The following ZDHHC14 variants were observed in gnomAD, a reference collection of about 807,000 sequenced individuals.
ZDHHC14 encodes the protein palmitoyltransferase ZDHHC14.
In ZDHHC14, 16 loss-of-function variants were observed where a neutral mutation model predicts 47.7. The ratio of observed to expected loss-of-function variants is 0.34; its 90% confidence interval spans 0.23 to 0.51. The LOEUF (loss-of-function observed/expected upper bound fraction) is 0.51, where lower values mean the gene tolerates loss of function less well. Among genes scored for constraint, ZDHHC14 ranks in the 20% least tolerant of loss-of-function variants. ZDHHC14 has a pLI of 0.97. For synonymous variants in ZDHHC14, 293 were observed against 278.9 expected (o/e 1.05, Z -0.50); for missense variants, 515 against 662.5 (o/e 0.78, Z 2.44).
chr6:157,487,720 G>A (rs890422780), intron 1 of ZDHHC14, among the ~76,000 whole-genome samples: 6 of 152,162 alleles, frequency 3.9e-5, no homozygotes, highest in Admixed American at 6.5e-5. Flanking sequence ...CATGATTGTC[G>A]TTGTTATTTT....
At chr6:157,637,183 C>A (rs1777029041) in intron 5 of ZDHHC14, among the ~76,000 whole-genome samples, 1 of 152,178 alleles carries the variant, frequency 6.6e-6, no homozygotes, top group Non-Finnish European at 1.5e-5. Flanking sequence ...GCCTGTCTTT[C>A]CTCTGGACAC....
chr6:157,570,830 T>TATATATATAC (rs1783073965), intron 2 of ZDHHC14, among the ~76,000 whole-genome samples: 1 of 151,088 alleles, frequency 6.6e-6, no homozygotes, highest in Non-Finnish European at 1.5e-5. Context: ...TATATATATA[T>TATATATATAC]ACACACACAC....
At chr6:157,485,576 T>C (rs1016097900) in intron 1 of ZDHHC14, among the ~76,000 whole-genome samples, 3 of 152,212 alleles carry the variant, frequency 2.0e-5, no homozygotes, top group African/African-American at 7.2e-5. Context: ...GATTTTGCAT[T>C]TCTGGCAGAG....
At chr6:157,574,499 G>T (rs979613837) in intron 2 of ZDHHC14, among the ~76,000 whole-genome samples, 3 of 152,090 alleles carry the variant, frequency 2.0e-5, no homozygotes, top group African/African-American at 7.2e-5. Flanking sequence ...GTCCAATTCT[G>T]CATGTGCCCC....
chr6:157,594,097 C>T (rs1192377951), intron 3 of ZDHHC14, among the ~76,000 whole-genome samples: 3 of 152,216 alleles, frequency 2.0e-5, no homozygotes, highest in Admixed American at 6.5e-5. Flanking sequence ...AGTAACACAG[C>T]ATTGATTGCC....
chr6:157,450,472 G>A (rs982129879), intron 1 of ZDHHC14, among the ~76,000 whole-genome samples: 3 of 147,398 alleles, frequency 2.0e-5, no homozygotes, highest in African/African-American at 7.6e-5. Context: ...CCGAGATCGC[G>A]CCACTGCACT....
At chr6:157,454,491 G>A (rs1019373998) in intron 1 of ZDHHC14, among the ~76,000 whole-genome samples, 1 of 115,160 alleles carries the variant, frequency 8.7e-6, no homozygotes, top group African/African-American at 2.8e-5. Context: ...TTTTAATGCA[G>A]CTTCTTCTTT....
At chr6:157,646,909 T>C (rs191952756) in intron 6 of ZDHHC14, among the ~76,000 whole-genome samples, 1 of 152,178 alleles carries the variant, frequency 6.6e-6, no homozygotes, top group Non-Finnish European at 1.5e-5. Context: ...GTCTGTAAAT[T>C]AGCAATTAGG....
chr6:157,675,677 A>G lies in ZDHHC14; in HGVS notation c.*2555A>G, dbSNP rs1454944758. On this transcript the variant is annotated 3_prime_UTR_variant, in exon 9 of 9. Transcript: ENST00000359775. Reference sequence around the variant, plus strand: ...CGCCCACTTCTGTTTGTCAGGAGGGATGGTCGGAGGGGCAGCTCACCTGGC... The same window carrying G: ...CGCCCACTTCTGTTTGTCAGGAGGGGTGGTCGGAGGGGCAGCTCACCTGGC... 1 of 152,216 alleles carries G rather than the reference A, an allele frequency of 6.6e-6. No individual in the cohort carries two copies. The highest frequency in any genetic ancestry group is 2.4e-5 in the African/African-American group (1 of 41,450). The allele number at this position is 152,216 out of a possible 1,614,324, so 9.4% of individuals were successfully genotyped here.
intron 1 of ZDHHC14, among the ~76,000 whole-genome samples, chr6:157,440,409 A>C (rs1441997796): frequency 6.6e-6 from 1 of 152,166 alleles, no homozygotes; most frequent in Non-Finnish European, 1.5e-5. Flanking sequence ...GGAACATACA[A>C]GTGTTTATGA....
chr6:157,550,372 C>G lies in ZDHHC14; in HGVS notation c.406+7627C>G, dbSNP rs148176310. Among the ~76,000 whole-genome samples the G allele has an allele frequency of 1.5e-3, 222 of 152,002 alleles. 4 individuals carry two copies. In the East Asian group the frequency reaches 0.031, roughly 21 times the overall value. ...ATTCTAGAGAGACCACAGTGTCACA[C>G]AGACATTCTAGAGAGACTGCAGTGT... On this transcript the variant is annotated intron_variant, in intron 2 of 8. Transcript: ENST00000359775.
At chr6:157,654,189 G>A (rs1161962124) in intron 8 of ZDHHC14, among the ~76,000 whole-genome samples, 3 of 152,114 alleles carry the variant, frequency 2.0e-5, no homozygotes, top group Non-Finnish European at 4.4e-5. Context: ...CGCTTTCTTC[G>A]ACGGGTGGAC....
chr6:157,665,148 T>C (rs1410107681), intron 8 of ZDHHC14, among the ~76,000 whole-genome samples: 2 of 152,184 alleles, frequency 1.3e-5, no homozygotes, highest in Non-Finnish European at 2.9e-5. Flanking sequence ...CTGGAAACCA[T>C]TTGCCTCCTG....
intron 1 of ZDHHC14, among the ~76,000 whole-genome samples, chr6:157,479,855 C>T (rs755092193): frequency 9.2e-5 from 14 of 152,210 alleles, no homozygotes; most frequent in Non-Finnish European, 2.1e-4. Context: ...GATGATTGAG[C>T]CATTTCTGTG....
chr6:157,526,890 T>G (rs1562462733), intron 1 of ZDHHC14, among the ~76,000 whole-genome samples: 1 of 152,128 alleles, frequency 6.6e-6, no homozygotes, highest in African/African-American at 2.4e-5. Context: ...TGCTGGCTCA[T>G]AGAGAGAGGT....
chr6:157,518,324 A>G (rs1161265821), intron 1 of ZDHHC14, among the ~76,000 whole-genome samples: 2 of 140,646 alleles, frequency 1.4e-5, no homozygotes, highest in Non-Finnish European at 3.0e-5. Context: ...AGTAGCTCAC[A>G]GGCATGGACT....
At chr6:157,547,364 A>T (rs1236690371) in intron 2 of ZDHHC14, among the ~76,000 whole-genome samples, 2 of 152,004 alleles carry the variant, frequency 1.3e-5, no homozygotes, top group African/African-American at 4.8e-5. Flanking sequence ...CTCTCGAGGA[A>T]ATTTCTAGAA....
intron 3 of ZDHHC14, among the ~76,000 whole-genome samples, chr6:157,613,184 C>T (rs1283311745): frequency 6.6e-6 from 1 of 152,158 alleles, no homozygotes; most frequent in Non-Finnish European, 1.5e-5. Context: ...TCACGTGTGC[C>T]TCCTACAAAT....
rs1778254275 is a variant in ZDHHC14, at chr6:157,427,851, T to C, written c.245+45585T>C. Among the ~76,000 whole-genome samples the C allele has an allele frequency of 6.6e-6, 1 of 151,910 alleles. No homozygotes were observed. Among genetic ancestry groups the C allele is most frequent in the Admixed American group, 6.6e-5 (1 of 15,258 alleles). ...GTGGCCCCCAAGGACAATGGAATGG[T>C]GGGGCTCTAGTCTTCATCTTTTCTC... On this transcript the variant is annotated intron_variant, in intron 1 of 8. Transcript: ENST00000359775. The surrounding 1 kb of genome is among the most constrained non-coding windows in gnomAD (Gnocchi z 4.4).
Sources: gnomAD v4.1 joint callset for allele counts (sites outside exome capture counted in the v4.1 genomes callset) on GRCh38, gnomAD v4.1.1 for gene constraint, Gnocchi (gnomAD v3.1) non-coding constraint, MANE v1.5 for transcripts, NCBI Gene and HGNC (gene_info 2026-07-23, HGNC 2026-07-21) for gene names.